Variants in ITGA9 observed in about 807,000 individuals in gnomAD.
The protein encoded by ITGA9 is integrin subunit alpha 9.
Under a neutral mutation model 127.8 loss-of-function variants are expected in ITGA9, and 56 were observed. The ratio of observed to expected loss-of-function variants is 0.44; its 90% CI spans 0.35 to 0.55. The LOEUF (loss-of-function observed/expected upper bound fraction) is 0.55. Ranked by LOEUF, ITGA9 falls within the 20% of genes least tolerant of loss-of-function variation. The probability of loss-of-function intolerance (pLI) is 0.00; values close to 1 mark genes in which losing one functional copy is unlikely to be tolerated. For synonymous variants in ITGA9, 508 were observed against 514.5 expected (o/e 0.99, Z 0.17); for missense variants, 1,196 against 1,347.1 (o/e 0.89, Z 1.76).
At chr3:37,493,290 T>C (rs1195090042) in intron 4 of ITGA9, among the ~76,000 whole-genome samples, 1 of 152,198 alleles carries the variant, frequency 6.6e-6, no homozygotes, top group Non-Finnish European at 1.5e-5. Flanking sequence ...TGTGTTGCAA[T>C]CATAGTTTCA....
chr3:37,669,880 G>T (rs907691796), intron 17 of ITGA9, among the ~76,000 whole-genome samples: 3 of 152,106 alleles, frequency 2.0e-5, no homozygotes, highest in Non-Finnish European at 4.4e-5. Context: ...GAGAGAAATG[G>T]CTTTCATACA....
intron 4 of ITGA9, among the ~76,000 whole-genome samples, chr3:37,492,059 C>T (rs747361945): frequency 3.3e-5 from 5 of 152,134 alleles, no homozygotes; most frequent in Non-Finnish European, 7.4e-5. Flanking sequence ...CACAACTGCC[C>T]CCAAAGTGTG....
intron 15 of ITGA9, among the ~76,000 whole-genome samples, chr3:37,581,219 C>A (rs958504133): frequency 6.6e-6 from 1 of 152,142 alleles, no homozygotes; most frequent in African/African-American, 2.4e-5. Context: ...GAGGCAAGAA[C>A]AGTGGACAAG....
intron 14 of ITGA9, among the ~76,000 whole-genome samples, chr3:37,536,292 A>G (rs989509746): frequency 1.3e-5 from 2 of 152,262 alleles, no homozygotes; most frequent in Non-Finnish European, 2.9e-5. Flanking sequence ...GACTTTGTCC[A>G]TGGAATGCCT....
intron 16 of ITGA9, among the ~76,000 whole-genome samples, chr3:37,631,079 C>T (rs1324011941): frequency 6.6e-6 from 1 of 152,182 alleles, no homozygotes; most frequent in South Asian, 2.1e-4. Flanking sequence ...CATAATTGGT[C>T]TCTAGTTCTA....
chr3:37,704,631 A>G (rs1700984242), intron 18 of ITGA9, among the ~76,000 whole-genome samples: 1 of 152,168 alleles, frequency 6.6e-6, no homozygotes, highest in Non-Finnish European at 1.5e-5. Flanking sequence ...CTCAGGCCCA[A>G]TATCACTGGG....
intron 18 of ITGA9, among the ~76,000 whole-genome samples, chr3:37,708,497 T>A (rs1019624631): frequency 6.6e-6 from 1 of 152,216 alleles, no homozygotes; most frequent in African/African-American, 2.4e-5. Flanking sequence ...CCCCAACCTC[T>A]GAGCGGTAGG....
Position 37,481,588 on chromosome 3 carries a change from G to A in ITGA9, c.525G>A (p.Thr175=), listed in dbSNP as rs17227748. The change falls in exon 4 of 28, where the codon ACG becomes ACA. Residue 175 remains threonine, a synonymous_variant. Coordinates refer to ENST00000264741, the MANE Select transcript of ITGA9 (RefSeq NM_002207.3). ...IPSNLQAKGR[T]LIPCYEEYKK... ...CCAACCTCCAGGCCAAAGGCAGGAC[G>A]CTGATCCCTTGCTATGAAGGTGAGC... is the stretch of plus-strand genomic sequence containing the variant. 0.13 allele frequency: 210,421 copies of A among 1,613,836 alleles called. 14,573 individuals carry two copies. Among genetic ancestry groups the A allele is most frequent in the Non-Finnish European group, 0.14 (168,083 of 1,179,852 alleles).
At chr3:37,676,763 A>T (rs895543231) in intron 17 of ITGA9, among the ~76,000 whole-genome samples, 1 of 152,198 alleles carries the variant, frequency 6.6e-6, no homozygotes, top group South Asian at 2.1e-4. Context: ...TGTCTTCAAG[A>T]CCTAAGGGAA....
At chr3:37,587,783 A>G (rs942513481) in intron 15 of ITGA9, among the ~76,000 whole-genome samples, 14 of 152,238 alleles carry the variant, frequency 9.2e-5, no homozygotes, top group Admixed American at 3.9e-4. Context: ...TTATGAGAGA[A>G]CAGAAGCTAA....
intron 15 of ITGA9, among the ~76,000 whole-genome samples, chr3:37,613,103 TC>T (rs1421317438): frequency 6.6e-6 from 1 of 152,048 alleles, no homozygotes; most frequent in East Asian, 1.9e-4. Context: ...CCTAATGCTA[TC>T]CCTCCCCCAG....
At chr3:37,804,672 C>T (rs951375018) in intron 27 of ITGA9, among the ~76,000 whole-genome samples, 3 of 152,186 alleles carry the variant, frequency 2.0e-5, no homozygotes, top group Non-Finnish European at 4.4e-5. Context: ...GCACCAGGGA[C>T]CATAACTGCA....
chr3:37,785,530 G>A (rs1346648482), intron 26 of ITGA9, among the ~76,000 whole-genome samples: 1 of 152,112 alleles, frequency 6.6e-6, no homozygotes, highest in Non-Finnish European at 1.5e-5. Flanking sequence ...CACCCAGGCT[G>A]GTGTGCAGTC....
At chr3:37,494,823 G>A (rs1055296526) in intron 5 of ITGA9, among the ~76,000 whole-genome samples, 8 of 152,166 alleles carry the variant, frequency 5.3e-5, no homozygotes, top group African/African-American at 1.9e-4. Context: ...TTCTGTAGGA[G>A]TCTGCTTGAC....
At chr3:37,795,787 C>G (rs994324030) in intron 26 of ITGA9, among the ~76,000 whole-genome samples, 1 of 152,178 alleles carries the variant, frequency 6.6e-6, no homozygotes, top group East Asian at 1.9e-4. Context: ...TCCTTTCACA[C>G]CACCTCCTTT....
At chr3:37,818,811 C>A in intron 27 of ITGA9, 80 bp from the exon 28 acceptor site, 2 of 1,048,446 alleles carry the variant, frequency 1.9e-6, no homozygotes, top group Non-Finnish European at 3.0e-6. Flanking sequence ...CACACCTACC[C>A]AGGGACAGAC....
chr3:37,811,030 G>A (rs1046260022), intron 27 of ITGA9, among the ~76,000 whole-genome samples: 54 of 152,164 alleles, frequency 3.5e-4, no homozygotes, highest in Non-Finnish European at 2.9e-5. Context: ...CATGCTTGGC[G>A]GCAGCAGGCC....
intron 26 of ITGA9, among the ~76,000 whole-genome samples, chr3:37,794,099 C>T (rs530570259): frequency 1.2e-4 from 19 of 152,280 alleles, no homozygotes; most frequent in South Asian, 8.3e-4. Flanking sequence ...GAGGTGTGCT[C>T]GAATCTGCTG....
At chr3:37,607,547 A>G (rs1489894611) in intron 15 of ITGA9, among the ~76,000 whole-genome samples, 1 of 152,116 alleles carries the variant, frequency 6.6e-6, no homozygotes, top group Non-Finnish European at 1.5e-5. Context: ...AGCATTCAGC[A>G]TAAGAGGGTC....
Sources: allele counts gnomAD v4.1 joint callset (sites outside exome capture counted in the v4.1 genomes callset), GRCh38; gene constraint gnomAD v4.1.1; transcripts MANE v1.5; gene names NCBI Gene and HGNC (gene_info 2026-07-23, HGNC 2026-07-21).